CNTNAP5: variants seen among roughly 807,000 people sequenced by gnomAD.
CNTNAP5 encodes contactin-associated protein-like 5.
Under a neutral mutation model 150.2 loss-of-function variants are expected in CNTNAP5, and 72 were observed. The observed-to-expected ratio is 0.48, with a 90% CI of 0.40 to 0.58. The LOEUF (loss-of-function observed/expected upper bound fraction) is 0.58, where lower values mean the gene tolerates loss of function less well. CNTNAP5 is among the 20% of genes least tolerant of loss of function. The pLI is 0.00. For missense variants in CNTNAP5, 1,636 were observed against 1,626.2 expected (o/e 1.01, Z -0.10); for synonymous variants, 672 against 619.8 (o/e 1.08, Z -1.25).
chr2:124,609,943 C>G, intron 12 of CNTNAP5, 23 bp downstream of exon 12: 1 of 1,591,398 alleles, frequency 6.3e-7, no homozygotes, highest in Non-Finnish European at 8.6e-7. Flanking sequence ...TAGCCCTACT[C>G]ACACTTAACC....
chr2:124,034,971 G>C (rs1474549105), intron 1 of CNTNAP5, among the ~76,000 whole-genome samples: 4 of 151,666 alleles, frequency 2.6e-5, no homozygotes, highest in Non-Finnish European at 1.5e-5. Context: ...GAGTTATTAA[G>C]ACATGTTATC....
At chr2:124,895,924 A>C in intron 21 of CNTNAP5, among the ~76,000 whole-genome samples, 1 of 151,518 alleles carries the variant, frequency 6.6e-6, no homozygotes, top group East Asian at 1.9e-4. Flanking sequence ...TGCTTGGGGG[A>C]AGGCCAATGG....
At chr2:124,875,622 G>A (rs1019967960) in intron 21 of CNTNAP5, among the ~76,000 whole-genome samples, 1 of 151,484 alleles carries the variant, frequency 6.6e-6, no homozygotes, top group African/African-American at 2.4e-5. Flanking sequence ...TTGGTATTTA[G>A]CATATACTCA....
At chr2:124,129,104 A>C (rs1362599229) in intron 1 of CNTNAP5, among the ~76,000 whole-genome samples, 1 of 152,062 alleles carries the variant, frequency 6.6e-6, no homozygotes, top group East Asian at 1.9e-4. Context: ...GAACAGAAAA[A>C]AAAAGAAAGA....
At chr2:124,410,099 C>A (rs1051018811) in intron 3 of CNTNAP5, among the ~76,000 whole-genome samples, 4 of 152,134 alleles carry the variant, frequency 2.6e-5, no homozygotes, top group African/African-American at 7.2e-5. Context: ...TGATAAAATA[C>A]TTTAAACCAA....
intron 21 of CNTNAP5, among the ~76,000 whole-genome samples, chr2:124,871,085 A>G (rs890849384): frequency 6.6e-6 from 1 of 151,964 alleles, no homozygotes; most frequent in Non-Finnish European, 1.5e-5. Flanking sequence ...AATAATAATC[A>G]TTTTTATATT....
intron 1 of CNTNAP5, among the ~76,000 whole-genome samples, chr2:124,207,072 C>T (rs1161433521): frequency 6.6e-6 from 1 of 152,118 alleles, no homozygotes; most frequent in Non-Finnish European, 1.5e-5. Flanking sequence ...AATTTATTCC[C>T]AAGTTAAAAT....
intron 3 of CNTNAP5, among the ~76,000 whole-genome samples, chr2:124,337,515 T>C (rs951207863): frequency 1.3e-5 from 2 of 152,166 alleles, no homozygotes; most frequent in Non-Finnish European, 1.5e-5. Context: ...AGGTCTAACA[T>C]TTAAGTCTTT....
At chr2:124,897,324 G>A (rs1362046790) in intron 21 of CNTNAP5, among the ~76,000 whole-genome samples, 2 of 151,366 alleles carry the variant, frequency 1.3e-5, no homozygotes, top group Non-Finnish European at 2.9e-5. Flanking sequence ...AAGATTTATT[G>A]CCTGAAATCT....
intron 19 of CNTNAP5, among the ~76,000 whole-genome samples, chr2:124,845,181 T>A (rs1034233129): frequency 1.3e-5 from 2 of 152,048 alleles, no homozygotes; most frequent in Non-Finnish European, 2.9e-5. Context: ...AGGGTTTTAA[T>A]CATAAAGTGA....
At chr2:124,854,728 G>T (rs1055275566) in intron 19 of CNTNAP5, among the ~76,000 whole-genome samples, 5 of 152,194 alleles carry the variant, frequency 3.3e-5, no homozygotes, top group African/African-American at 1.2e-4. Flanking sequence ...TAGACACAAA[G>T]ATGAATAAGC....
At chr2:124,388,331 C>A (rs1298741007) in intron 3 of CNTNAP5, among the ~76,000 whole-genome samples, 28 of 151,786 alleles carry the variant, frequency 1.8e-4, no homozygotes. Context: ...GTCATTGAAG[C>A]TACCACCAGA....
intron 7 of CNTNAP5, among the ~76,000 whole-genome samples, chr2:124,484,917 C>A (rs1019444368): frequency 2.0e-5 from 3 of 152,144 alleles, no homozygotes; most frequent in Admixed American, 6.5e-5. Context: ...TAAAATAAAA[C>A]TGTGTTTTTA....
At chr2:124,495,235 T>C (rs1694117328) in intron 7 of CNTNAP5, among the ~76,000 whole-genome samples, 1 of 152,192 alleles carries the variant, frequency 6.6e-6, no homozygotes, top group Non-Finnish European at 1.5e-5. Flanking sequence ...TTTTTATTAT[T>C]ATAAATAATG....
chr2:124,081,812 TAGTG>T (rs1328263501), intron 1 of CNTNAP5, among the ~76,000 whole-genome samples: 1 of 152,196 alleles, frequency 6.6e-6, no homozygotes, highest in Non-Finnish European at 1.5e-5. Context: ...TTGTAAGAAA[TAGTG>T]AGAGATCCTG....
At chr2:124,156,267 C>G (rs771185957) in intron 1 of CNTNAP5, among the ~76,000 whole-genome samples, 1 of 152,178 alleles carries the variant, frequency 6.6e-6, no homozygotes, top group Non-Finnish European at 1.5e-5. Context: ...AGAGGAAAGA[C>G]TTGAATCGCA....
At chr2:124,547,295 G>C (rs1192078034) in intron 10 of CNTNAP5, among the ~76,000 whole-genome samples, 1 of 152,018 alleles carries the variant, frequency 6.6e-6, no homozygotes, top group African/African-American at 2.4e-5. Context: ...ACAAAATGAG[G>C]AGTGACCTGA....
At chr2:124,568,285 T>G (rs1696077132) in intron 11 of CNTNAP5, among the ~76,000 whole-genome samples, 1 of 152,180 alleles carries the variant, frequency 6.6e-6, no homozygotes, top group Non-Finnish European at 1.5e-5. Context: ...GGAAGTAGAA[T>G]GACTTGGAGG....
chr2:124,805,451 A>C (rs976404302), intron 19 of CNTNAP5, among the ~76,000 whole-genome samples: 1 of 152,160 alleles, frequency 6.6e-6, no homozygotes, highest in Non-Finnish European at 1.5e-5. Context: ...AAACACAAGG[A>C]AACTCCCCAC....
Sources: allele counts gnomAD v4.1 joint callset (sites outside exome capture counted in the v4.1 genomes callset), GRCh38; gene constraint gnomAD v4.1.1; transcripts MANE v1.5; gene names NCBI Gene and HGNC (gene_info 2026-07-23, HGNC 2026-07-21).